SLC7A5: variants seen among roughly 807,000 people sequenced by gnomAD.
The protein encoded by SLC7A5 is large neutral amino acids transporter small subunit 1.
In SLC7A5, 23 loss-of-function variants were observed where a neutral mutation model predicts 50.2. The ratio of observed to expected loss-of-function variants is 0.46; its 90% confidence interval spans 0.33 to 0.65. The LOEUF is 0.65. Ranked by LOEUF, SLC7A5 falls within the 30% of genes least tolerant of loss-of-function variation. The probability of loss-of-function intolerance (pLI) is 0.02; values close to 1 mark genes in which losing one functional copy is unlikely to be tolerated. For synonymous variants in SLC7A5, 393 were observed against 330.6 expected (o/e 1.19, Z -2.05); for missense variants, 578 against 684.4 (o/e 0.84, Z 1.73).
At chr16:87,834,128 T>C (rs2054966633) in intron 9 of SLC7A5, among the ~76,000 whole-genome samples, 1 of 152,166 alleles carries the variant, frequency 6.6e-6, no homozygotes, top group African/African-American at 2.4e-5. Flanking sequence ...CCTTTCTGGG[T>C]AAGTCTGCTG....
At chr16:87,844,559 T>C (rs4843717) in intron 2 of SLC7A5, among the ~76,000 whole-genome samples, 55,318 of 152,004 alleles carry the variant, frequency 0.36, 11,804 homozygotes, top group African/African-American at 0.59. Context: ...TCCTCTGTGA[T>C]GCGGCCAACC....
At chr16:87,846,482 C>T (rs932258349) in intron 2 of SLC7A5, among the ~76,000 whole-genome samples, 2 of 152,240 alleles carry the variant, frequency 1.3e-5, no homozygotes, top group South Asian at 2.1e-4. Flanking sequence ...GCCCTAACCC[C>T]GGTGTGGCTG....
At chr16:87,837,013 C>G (rs1305746583) in intron 7 of SLC7A5, among the ~76,000 whole-genome samples, 1 of 152,236 alleles carries the variant, frequency 6.6e-6, no homozygotes, top group Non-Finnish European at 1.5e-5. Context: ...CCTGACCTAA[C>G]CCAGTGGTCA....
rs1449812274 is a variant in SLC7A5, at chr16:87,843,605, TAGAC to T, written c.665-2454_665-2451del. On this transcript the variant is annotated intron_variant, in intron 2 of 9. Coordinates refer to ENST00000261622, the MANE Select transcript of SLC7A5 (RefSeq NM_003486.7). ...GGAGAGACACACCAGAGGTGGGAGT[TAGAC>T]AGCGTTCAAACCCTGGGGGCAGCAC... Among the ~76,000 whole-genome samples, 3 of 151,960 alleles carry T rather than the reference TAGAC, an allele frequency of 2.0e-5. No individual in the cohort carries two copies. In the East Asian group the frequency reaches 5.8e-4, roughly 30 times the overall value.
At position 87,841,108 on chromosome 16, in the gene SLC7A5, G is replaced by A; in HGVS notation, c.712C>T (p.Leu238=). The A allele has an allele frequency of 6.2e-7, 1 of 1,614,002 alleles. No homozygotes were observed. Among genetic ancestry groups the A allele is most frequent in the Non-Finnish European group, 8.5e-7 (1 of 1,179,954 alleles). The part of the protein sequence containing the change: ...DPNFSFEGTK[L]DVGNIVLALY... ...GCCAGCACAATGTTCCCCACATCCAGTTTGGTGCCTTCAAATGAGAAGTTG... is the reference window on the plus strand; with the variant it reads ...GCCAGCACAATGTTCCCCACATCCAATTTGGTGCCTTCAAATGAGAAGTTG... Residue 238 remains leucine (L), a synonymous_variant, in exon 3 of 10, where the codon CTG becomes TTG. Transcript: ENST00000261622. This position sits in a 1 kb window ranked among gnomAD's most constrained non-coding sequence, Gnocchi z 4.8.
chr16:87,865,832 C>G (rs112357699), intron 1 of SLC7A5, among the ~76,000 whole-genome samples: 3,155 of 152,214 alleles, frequency 0.021, 97 homozygotes, highest in African/African-American at 0.072. Context: ...ACATTAGAAT[C>G]CACACCCCGC....
intron 6 of SLC7A5, 85 bp downstream of exon 6, chr16:87,838,629 C>T: frequency 1.9e-6 from 2 of 1,071,616 alleles, no homozygotes; most frequent in Non-Finnish European, 2.9e-6. Context: ...ATCACAGAGA[C>T]AAACCTTTTA....
rs567170649 is a variant in SLC7A5, at chr16:87,848,242, T to A, written c.664+3482A>T. 3.9e-5 allele frequency among the ~76,000 whole-genome samples: 6 copies of A among 152,350 alleles called. No homozygotes were observed. The South Asian group carries it at 1.2e-3, about 32-fold the overall frequency. The stretch of plus-strand genomic sequence containing the variant: ...TTTAAATCTGCCCAACTATCCAATC[T>A]GTAACTGTTCAAGGAGAGATTAGTT... On this transcript the variant is annotated intron_variant, in intron 2 of 9. Transcript: ENST00000261622.
rs2055508128 is a variant in SLC7A5 at position 87,869,503 on chromosome 16, T to G, written c.-81A>C. On this transcript the variant is annotated 5_prime_UTR_variant, in exon 1 of 10. Coordinates refer to ENST00000261622, the MANE Select transcript of SLC7A5 (RefSeq NM_003486.7). ...GTGCGCGCCGCCCGCCGCCCGCAGC[T>G]GCGTCAGGAACCCCGCCCGCGCCGC... The G allele has an allele frequency of 9.2e-7, 1 of 1,082,988 alleles. No homozygotes were observed. The highest frequency in any genetic ancestry group is 1.1e-6 in the Non-Finnish European group (1 of 882,400). The allele number at this position is 1,082,988 out of a possible 1,614,324, so 67.1% of individuals were successfully genotyped here.
At chr16:87,840,172 G>A (rs1430290906) in intron 4 of SLC7A5, among the ~76,000 whole-genome samples, 2 of 152,208 alleles carry the variant, frequency 1.3e-5, no homozygotes, top group Non-Finnish European at 1.5e-5. Context: ...GACCAGAGCC[G>A]AGAGCCCAGG....
chr16:87,864,007 A>ATATATATATATATATATATATATATC, intron 1 of SLC7A5, among the ~76,000 whole-genome samples: 1 of 143,084 alleles, frequency 7.0e-6, no homozygotes, highest in Non-Finnish European at 1.5e-5. Context: ...ATATATATAT[A>ATATATATATATATATATATATATATC]TCAGCCGAGT....
intron 7 of SLC7A5, chr16:87,837,536 G>C (rs62058261): frequency 1.6e-3 from 650 of 418,312 alleles, no homozygotes; most frequent in Non-Finnish European, 2.2e-3. Context: ...GCTGAGAAAC[G>C]AACAGAGTGG....
Position 87,868,999 on chromosome 16 carries a change from G to T in SLC7A5, c.424C>A (p.Pro142Thr). Residue 142 changes from proline to threonine, a missense_variant, in exon 1 of 10, where the codon CCT (proline) becomes ACT (threonine). By Grantham distance (38) the Pro-to-Thr change is conservative (BLOSUM62 -1). This residue lies in a region of SLC7A5 where 465 missense variants were observed against 594.6 expected (regional missense o/e 0.78). Coordinates refer to ENST00000261622, the MANE Select transcript of SLC7A5 (RefSeq NM_003486.7). ...AGGGCCACGATGTACTGCGATGAAG[G>T]CCGGATGATGAGCAGCTCGATCCAG... The part of the protein sequence containing the change: ...KLWIELLIIR[P>T]SSQYIVALVF... 1.9e-6 allele frequency: 3 copies of T among 1,611,740 alleles called. No individual in the cohort carries two copies. Among genetic ancestry groups the T allele is most frequent in the Non-Finnish European group, 2.5e-6 (3 of 1,179,782 alleles).
At position 87,844,333 on chromosome 16, in the gene SLC7A5, G is replaced by A. The variant is rs115484049; in HGVS notation, c.665-3178C>T. Among the ~76,000 whole-genome samples the A allele has an allele frequency of 8.9e-3, 1,350 of 152,356 alleles. 21 individuals carry two copies. Among genetic ancestry groups the A allele is most frequent in the African/African-American group, 0.03 (1,240 of 41,576 alleles). ...CCCTGTCAGCAGGATTCCCCCGAGAGCGGGGTAATTGCGGTGGGAACGAGC... is the reference window on the plus strand; with the variant it reads ...CCCTGTCAGCAGGATTCCCCCGAGAACGGGGTAATTGCGGTGGGAACGAGC... On this transcript the variant is annotated intron_variant, in intron 2 of 9. Coordinates refer to ENST00000261622, the MANE Select transcript of SLC7A5 (RefSeq NM_003486.7).
At chr16:87,855,717 G>A (rs964307264) in intron 1 of SLC7A5, among the ~76,000 whole-genome samples, 3 of 151,808 alleles carry the variant, frequency 2.0e-5, no homozygotes, top group Admixed American at 6.6e-5. Context: ...GTCCAGTGTT[G>A]GAGGAGAGGG....
At chr16:87,858,231 A>C (rs2055344801) in intron 1 of SLC7A5, among the ~76,000 whole-genome samples, 1 of 152,204 alleles carries the variant, frequency 6.6e-6, no homozygotes, top group Non-Finnish European at 1.5e-5. Context: ...AGACTGGAAC[A>C]ACTGCCTCCT....
At chr16:87,855,259 G>C (rs779408536) in intron 1 of SLC7A5, among the ~76,000 whole-genome samples, 1 of 152,116 alleles carries the variant, frequency 6.6e-6, no homozygotes, top group African/African-American at 2.4e-5. Context: ...AGCATGAGGT[G>C]GGGGACACCC....
At position 87,832,567 on chromosome 16, in the gene SLC7A5, T is replaced by C. The variant is rs2054947028; in HGVS notation, c.*403A>G. 2 of 155,532 alleles carry C rather than the reference T, an allele frequency of 1.3e-5. No homozygotes were observed. The highest frequency in any genetic ancestry group is 4.8e-5 in the African/African-American group (2 of 41,436). The allele number at this position is 155,532 out of a possible 1,614,324, so 9.6% of individuals were successfully genotyped here. On this transcript the variant is annotated 3_prime_UTR_variant, in exon 10 of 10. Coordinates refer to ENST00000261622, the MANE Select transcript of SLC7A5 (RefSeq NM_003486.7). The surrounding 1 kb of genome is among the most constrained non-coding windows in gnomAD (Gnocchi z 4.6). ...AGGTTCCAAGTCTCAGTAGCTCTGTTTGCCCAGGGTCTGGGCCCTTGGGGC... is the reference window on the plus strand; with the variant it reads ...AGGTTCCAAGTCTCAGTAGCTCTGTCTGCCCAGGGTCTGGGCCCTTGGGGC...
intron 1 of SLC7A5, among the ~76,000 whole-genome samples, chr16:87,868,420 T>C (rs2055490506): frequency 6.6e-6 from 1 of 152,248 alleles, no homozygotes; most frequent in Non-Finnish European, 1.5e-5. Context: ...GTGTCACTGA[T>C]TCCTGACGAG....
Sources: gnomAD v4.1 joint callset for allele counts (sites outside exome capture counted in the v4.1 genomes callset) on GRCh38, gnomAD v4.1.1 for gene constraint, gnomAD v4.1.1 regional missense constraint, Gnocchi (gnomAD v3.1) non-coding constraint, MANE v1.5 for transcripts, NCBI Gene and HGNC (gene_info 2026-07-23, HGNC 2026-07-21) for gene names.